PREX1: variants seen among roughly 807,000 people sequenced by gnomAD.
PREX1 encodes phosphatidylinositol 3,4,5-trisphosphate-dependent Rac exchanger 1 protein.
In PREX1, 41 loss-of-function variants were observed where a neutral mutation model predicts 198.3. The observed-to-expected ratio is 0.21, with a 90% CI of 0.16 to 0.27. PREX1 has a LOEUF of 0.27. PREX1 is among the 10% of genes least tolerant of loss of function. The pLI is 1.00. For missense variants in PREX1, 1,620 were observed against 2,200.7 expected (o/e 0.74, Z 5.28); for synonymous variants, 843 against 887.2 (o/e 0.95, Z 0.89).
intron 7 of PREX1, 131 bp from the exon 8 acceptor site, chr20:48,692,921 G>A: frequency 5.4e-6 from 4 of 739,542 alleles, no homozygotes; most frequent in Non-Finnish European, 9.6e-6. Flanking sequence ...TAGGGGTCAG[G>A]AGCAGGAGTG....
the PREX1 span, among the ~76,000 whole-genome samples, chr20:48,834,744 A>C: frequency 6.6e-6 from 1 of 152,058 alleles, no homozygotes; most frequent in Admixed American, 6.6e-5. Flanking sequence ...TTTTTTGTAG[A>C]GATGGGGATC....
chr20:48,809,559 C>T lies in PREX1; in HGVS notation c.219+18083G>A, dbSNP rs192604195. 1.6e-4 allele frequency among the ~76,000 whole-genome samples: 24 copies of T among 152,338 alleles called. No individual in the cohort carries two copies. The East Asian group carries it at 4.6e-3, about 29-fold the overall frequency. ...GTCACTTGCAACCAAAGGATCCTGA[C>T]AACCAGCCGGCTCTTGCCAATCTCA... On this transcript the variant is annotated intron_variant, in intron 1 of 39. Transcript: ENST00000371941.
Position 48,700,803 on chromosome 20 carries a change from C to T in PREX1, c.867G>A (p.Arg289=), listed in dbSNP as rs1243963423. 1.2e-6 allele frequency: 2 copies of T among 1,613,852 alleles called. No individual in the cohort carries two copies. Among genetic ancestry groups the T allele is most frequent in the Non-Finnish European group, 1.7e-6 (2 of 1,180,018 alleles). ...LKISAGNIQE[R]AFFLFDNLLV... ...GAAGGTTGTCGAAGAGGAAGAAGGC[C>T]CTTTCCTGGATGTTGCCCGCAGAGA... Residue 289 remains arginine, a synonymous_variant, in exon 7 of 40, where the codon AGG becomes AGA. Transcript: ENST00000371941.
chr20:48,771,698 G>A (rs948474258), intron 1 of PREX1, among the ~76,000 whole-genome samples: 5 of 152,142 alleles, frequency 3.3e-5, no homozygotes, highest in Non-Finnish European at 5.9e-5. Flanking sequence ...ATCACCATGC[G>A]GAGGAGGAAC....
At chr20:48,694,968 TAC>T (rs1368176547) in intron 7 of PREX1, among the ~76,000 whole-genome samples, 1 of 152,148 alleles carries the variant, frequency 6.6e-6, no homozygotes, top group Non-Finnish European at 1.5e-5. Context: ...TGTGTGTGTA[TAC>T]ACACACATAT....
In PREX1 at chr20:48,652,637, T is replaced by C. The variant is rs768979457; in HGVS notation, c.2416A>G (p.Thr806Ala). 5 of 1,613,528 alleles carry C rather than the reference T, an allele frequency of 3.1e-6. No individual in the cohort carries two copies. The highest frequency in any genetic ancestry group is 4.2e-6 in the Non-Finnish European group (5 of 1,179,780). The change falls in exon 21 of 40, where the codon ACT becomes GCT. Residue 806 changes from threonine (T) to alanine (A), a missense_variant. Physicochemically the swap from Thr to Ala is moderately conservative, Grantham distance 58 (BLOSUM62 0). Transcript: ENST00000371941. ...QEARASQEAS[T>A]EDPSGEQAQE... Reference sequence around the variant, plus strand: ...GCCTGCTCGCCACTGGGGTCCTCAGTGGAGGCCTCCTGACTGGCTCGTGCT... The same window carrying C: ...GCCTGCTCGCCACTGGGGTCCTCAGCGGAGGCCTCCTGACTGGCTCGTGCT...
At chr20:48,667,951 G>A (rs1355768576) in intron 14 of PREX1, among the ~76,000 whole-genome samples, 2 of 152,210 alleles carry the variant, frequency 1.3e-5, no homozygotes, top group African/African-American at 4.8e-5. Flanking sequence ...GCTGGACAGA[G>A]CCTCCACCTG....
At chr20:48,848,079 G>A in the PREX1 span, among the ~76,000 whole-genome samples, 1 of 152,210 alleles carries the variant, frequency 6.6e-6, no homozygotes, top group Middle Eastern at 3.4e-3. Context: ...GTCTGTGCAT[G>A]GATGTAGGTT....
At chr20:48,880,718 A>G in the PREX1 span, among the ~76,000 whole-genome samples, 62 of 152,160 alleles carry the variant, frequency 4.1e-4, no homozygotes, top group Non-Finnish European at 8.7e-4. Context: ...GTTGTGCCTG[A>G]TGCCACCCCA....
intron 14 of PREX1, among the ~76,000 whole-genome samples, chr20:48,669,447 C>T (rs956696033): frequency 4.5e-4 from 69 of 152,282 alleles, no homozygotes; most frequent in South Asian, 8.3e-4. Context: ...GTCTGTTGCC[C>T]ACCGGGTATA....
At chr20:48,856,097 T>C in the PREX1 span, among the ~76,000 whole-genome samples, 3 of 151,842 alleles carry the variant, frequency 2.0e-5, no homozygotes, top group South Asian at 6.2e-4. Context: ...GGGGAAAGAG[T>C]ATTCCAGGTG....
upstream of PREX1, among the ~76,000 whole-genome samples, chr20:48,831,848 C>G (rs2123103580): frequency 2.0e-5 from 3 of 152,340 alleles, no homozygotes; most frequent in South Asian, 6.2e-4. Context: ...TTGGCGGGAT[C>G]AGTGGGGACT....
At chr20:48,820,387 A>G (rs1167144069) in intron 1 of PREX1, among the ~76,000 whole-genome samples, 3 of 152,196 alleles carry the variant, frequency 2.0e-5, no homozygotes, top group South Asian at 2.1e-4. Flanking sequence ...AACATCCCCA[A>G]GGTCACACAG....
At chr20:48,833,443 CTTT>C in the PREX1 span, among the ~76,000 whole-genome samples, 28 of 122,964 alleles carry the variant, frequency 2.3e-4, no homozygotes, top group Non-Finnish European at 2.6e-4. Context: ...TCTTTTCTTT[CTTT>C]TTTTTTTTTT....
the PREX1 span, among the ~76,000 whole-genome samples, chr20:48,857,982 A>G: frequency 6.6e-6 from 1 of 152,232 alleles, no homozygotes; most frequent in Non-Finnish European, 1.5e-5. Flanking sequence ...AGCAAAAAGG[A>G]AAGTCCAGTG....
At chr20:48,782,277 T>G (rs1368128096) in intron 1 of PREX1, among the ~76,000 whole-genome samples, 1 of 152,160 alleles carries the variant, frequency 6.6e-6, no homozygotes, top group Admixed American at 6.5e-5. Flanking sequence ...ATGGGGGAAG[T>G]TTCCCCCATG....
intron 1 of PREX1, among the ~76,000 whole-genome samples, chr20:48,810,585 T>TAAAAAAAAAAAAAA (rs760906489): frequency 2.6e-5 from 2 of 77,570 alleles, no homozygotes; most frequent in African/African-American, 1.0e-4. Context: ...TCACCTCAAT[T>TAAAAAAAAAAAAAA]AAAAAAAAAA....
chr20:48,655,427 ACT>A, intron 18 of PREX1, 52 bp from the exon 19 acceptor site: 2 of 1,381,290 alleles, frequency 1.4e-6, no homozygotes, highest in Non-Finnish European at 2.0e-6. Flanking sequence ...AACCAGCATC[ACT>A]CTCAATAACC....
chr20:48,679,344 G>A lies in PREX1; in HGVS notation c.1589+16C>T, dbSNP rs752880646. On this transcript the variant is annotated intron_variant, in intron 13 of 39. Coordinates refer to ENST00000371941, the MANE Select transcript of PREX1 (RefSeq NM_020820.4). ...AGAGGTAGAGGTGAAATTGGAGCTT[G>A]GAAAGAGTAACTTACTTGATCACCG... 2.5e-6 allele frequency: 4 copies of A among 1,608,008 alleles called. No individual in the cohort carries two copies. Among genetic ancestry groups the A allele is most frequent in the Non-Finnish European group, 3.4e-6 (4 of 1,174,724 alleles).
Sources: gnomAD v4.1 joint callset for allele counts (sites outside exome capture counted in the v4.1 genomes callset) on GRCh38, gnomAD v4.1.1 for gene constraint, MANE v1.5 for transcripts, NCBI Gene and HGNC (gene_info 2026-07-23, HGNC 2026-07-21) for gene names.